TMEM244: variants seen among roughly 807,000 people sequenced by gnomAD.
TMEM244 encodes putative transmembrane protein 244.
TMEM244 carries 13 observed loss-of-function variants against 15.8 expected under a neutral mutation model. That is an observed-to-expected ratio of 0.82 (90% CI 0.53 to 1.30). TMEM244 has a LOEUF of 1.30. Among genes scored for constraint, TMEM244 ranks in the 50% most tolerant of loss-of-function variants. The probability of loss-of-function intolerance (pLI) is 0.00; values close to 1 mark genes in which losing one functional copy is unlikely to be tolerated. For missense variants in TMEM244, 161 were observed against 144.9 expected, an observed-to-expected ratio of 1.11 and a Z score of -0.57; for synonymous variants, 45 against 48.7, an observed-to-expected ratio of 0.92 and a Z score of 0.32.
At chr6:129,840,942 G>A (rs1776480783) in intron 3 of TMEM244, among the ~76,000 whole-genome samples, 1 of 152,220 alleles carries the variant, frequency 6.6e-6, no homozygotes, top group Non-Finnish European at 1.5e-5. Flanking sequence ...TGGAGAGGAT[G>A]TGGAGCAATA....
intron 2 of TMEM244, 40 bp from the exon 3 acceptor site, chr6:129,843,643 G>T: frequency 1.4e-6 from 2 of 1,466,034 alleles, no homozygotes; most frequent in Non-Finnish European, 1.9e-6. Flanking sequence ...CTCTGAATGA[G>T]GCAGTTCATA....
intron 1 of TMEM244, among the ~76,000 whole-genome samples, chr6:129,854,476 A>T (rs994647343): frequency 1.3e-5 from 2 of 152,196 alleles, no homozygotes; most frequent in Admixed American, 1.3e-4. Flanking sequence ...AAGAGACAAA[A>T]TAATCACACA....
chr6:129,839,664 G>A (rs1175254118), intron 3 of TMEM244, among the ~76,000 whole-genome samples: 1 of 152,124 alleles, frequency 6.6e-6, no homozygotes, highest in African/African-American at 2.4e-5. Context: ...TGACATGATT[G>A]TATATTTAGA....
At chr6:129,840,435 T>G (rs1348799224) in intron 3 of TMEM244, among the ~76,000 whole-genome samples, 1 of 152,142 alleles carries the variant, frequency 6.6e-6, no homozygotes, top group African/African-American at 2.4e-5. Flanking sequence ...TAACTCAAGA[T>G]GGATAAAGAC....
chr6:129,854,011 G>T (rs942345227), intron 1 of TMEM244, among the ~76,000 whole-genome samples: 1 of 152,082 alleles, frequency 6.6e-6, no homozygotes, highest in Non-Finnish European at 1.5e-5. Flanking sequence ...TCTTGTTGTC[G>T]CATTTAACAA....
intron 2 of TMEM244, among the ~76,000 whole-genome samples, chr6:129,843,923 A>G (rs2114639032): frequency 6.6e-6 from 1 of 152,336 alleles, no homozygotes; most frequent in Non-Finnish European, 1.5e-5. Context: ...TAGTTACGAA[A>G]TGTAAACTCA....
intron 3 of TMEM244, among the ~76,000 whole-genome samples, chr6:129,841,678 G>T (rs935937356): frequency 1.5e-4 from 23 of 152,218 alleles, no homozygotes; most frequent in Middle Eastern, 6.8e-3. Context: ...CAAAAAAATT[G>T]TTGGGAGGAT....
chr6:129,855,251 T>C (rs1402059362), intron 1 of TMEM244, among the ~76,000 whole-genome samples: 2 of 152,224 alleles, frequency 1.3e-5, no homozygotes, highest in African/African-American at 4.8e-5. Flanking sequence ...ACACTATTGT[T>C]CTATCAAGTT....
In TMEM244 at chr6:129,845,781, G is replaced by GC. The variant is rs1250176527; in HGVS notation, c.104dup (p.Cys36LeufsTer5). ...GTGCTACTTACTCAAACATCACGCA[G>GC]CCCATGCTCAGGGACACATAGTACA... On this transcript the variant is annotated frameshift_variant, in exon 2 of 5. Transcript: ENST00000368143. LOFTEE classifies it high-confidence loss of function. 6.2e-7 allele frequency: 1 copy of GC among 1,611,902 alleles called. No homozygotes were observed. The highest frequency in any genetic ancestry group is 1.3e-5 in the African/African-American group (1 of 74,808).
At chr6:129,842,826 C>T (rs1776510526) in intron 3 of TMEM244, among the ~76,000 whole-genome samples, 2 of 150,754 alleles carry the variant, frequency 1.3e-5, no homozygotes, top group South Asian at 4.2e-4. Flanking sequence ...CATGAAGCTC[C>T]CCCAAACAAG....
intron 1 of TMEM244, among the ~76,000 whole-genome samples, chr6:129,860,623 A>G (rs1206692482): frequency 2.0e-5 from 3 of 152,106 alleles, no homozygotes; most frequent in Non-Finnish European, 4.4e-5. Flanking sequence ...GAGGCTTTGC[A>G]TATTTCCTTG....
At chr6:129,836,867 G>A (rs957936819) in intron 3 of TMEM244, among the ~76,000 whole-genome samples, 2 of 152,070 alleles carry the variant, frequency 1.3e-5, no homozygotes, top group African/African-American at 4.8e-5. Context: ...GAGAAGACAA[G>A]ATTAGAGAAA....
At chr6:129,840,382 G>A (rs1481115780) in intron 3 of TMEM244, among the ~76,000 whole-genome samples, 1 of 152,010 alleles carries the variant, frequency 6.6e-6, no homozygotes, top group African/African-American at 2.4e-5. Flanking sequence ...GCCATATGCA[G>A]AAAACTGAAA....
intron 1 of TMEM244, among the ~76,000 whole-genome samples, chr6:129,847,771 T>G (rs1046567551): frequency 1.4e-5 from 2 of 141,374 alleles, no homozygotes; most frequent in African/African-American, 2.7e-5. Flanking sequence ...CTTTTTTCTT[T>G]TTTCTTTTTT....
At chr6:129,860,871 G>A (rs1428486133) in intron 1 of TMEM244, among the ~76,000 whole-genome samples, 3 of 151,572 alleles carry the variant, frequency 2.0e-5, no homozygotes, top group Non-Finnish European at 2.9e-5. Flanking sequence ...GAAAACGATA[G>A]CAGACGTGCA....
At chr6:129,852,242 A>C (rs536819015) in intron 1 of TMEM244, among the ~76,000 whole-genome samples, 1 of 152,138 alleles carries the variant, frequency 6.6e-6, no homozygotes, top group Non-Finnish European at 1.5e-5. Context: ...TTAAAAAATA[A>C]ATTTATTCAA....
chr6:129,839,423 G>A lies in TMEM244; in HGVS notation c.193+4107C>T, dbSNP rs189349641. On this transcript the variant is annotated intron_variant, in intron 3 of 4. Transcript: ENST00000368143. The stretch of plus-strand genomic sequence containing the variant: ...TCAATAAACTAGGTATTGATGGAAC[G>A]CGTCTCAAAATAAAAAGAGCTATTT... 7.9e-5 allele frequency among the ~76,000 whole-genome samples: 12 copies of A among 152,098 alleles called. 1 individual carries two copies. The highest frequency in any genetic ancestry group is 3.9e-4 in the East Asian group (2 of 5,186).
chr6:129,850,666 T>A (rs1168963675), intron 1 of TMEM244, among the ~76,000 whole-genome samples: 2 of 152,164 alleles, frequency 1.3e-5, no homozygotes, highest in Non-Finnish European at 2.9e-5. Context: ...TTTATAAAAA[T>A]TTTGAAAGAG....
At chr6:129,859,105 C>T (rs1025326986) in intron 1 of TMEM244, among the ~76,000 whole-genome samples, 2 of 152,072 alleles carry the variant, frequency 1.3e-5, no homozygotes, top group African/African-American at 4.8e-5. Context: ...GAACCATAGT[C>T]TATTAATAAA....
Sources: allele counts gnomAD v4.1 joint callset (sites outside exome capture counted in the v4.1 genomes callset), GRCh38; gene constraint gnomAD v4.1.1; transcripts MANE v1.5; gene names NCBI Gene and HGNC (gene_info 2026-07-23, HGNC 2026-07-21).